The following KIAA0040 variants were observed in gnomAD, a reference collection of about 807,000 sequenced individuals.
KIAA0040 encodes the protein uncharacterized protein KIAA0040.
In KIAA0040, 10 loss-of-function variants were observed where a neutral mutation model predicts 7.2. The ratio of observed to expected loss-of-function variants is 1.38; its 90% CI spans 0.85 to 2.34. The LOEUF (loss-of-function observed/expected upper bound fraction) is 2.34. Among genes scored for constraint, KIAA0040 ranks in the 30% most tolerant of loss-of-function variants. KIAA0040 has a pLI of 0.00. For missense variants in KIAA0040, 89 were observed against 108.2 expected (o/e 0.82, Z 0.79); for synonymous variants, 49 against 40.1 (o/e 1.22, Z -0.84).
Position 175,160,714 on chromosome 1 carries a change from C to A in KIAA0040, c.300G>T (p.Ter100TyrextTer28). 6.5e-7 allele frequency: 1 copy of A among 1,543,912 alleles called. No homozygotes were observed. The change falls in exon 4 of 4, where the codon TAG (stop) becomes TAT (tyrosine). Residue 100 changes from the stop codon to tyrosine (Y), a stop_lost. Coordinates refer to ENST00000423313, the MANE Select transcript of KIAA0040 (RefSeq NM_014656.3). Reference protein sequence around the residue: ...QMEKRPSLPV* With the variant: ...QMEKRPSLPVY Reference sequence around the variant, plus strand: ...GGAAACACCTCTGCTTCCTGCCTAACTAAACAGGCAGTGATGGTCTCTTCT... The same window carrying A: ...GGAAACACCTCTGCTTCCTGCCTAAATAAACAGGCAGTGATGGTCTCTTCT...
chr1:175,179,376 C>T (rs1036988619), intron 1 of KIAA0040, among the ~76,000 whole-genome samples: 21 of 152,226 alleles, frequency 1.4e-4, no homozygotes, highest in South Asian at 4.2e-4. Flanking sequence ...CTCGGGATTA[C>T]GCAGGATTAA....
chr1:175,162,323 C>G (rs1164268070), intron 3 of KIAA0040, among the ~76,000 whole-genome samples: 1 of 152,078 alleles, frequency 6.6e-6, no homozygotes, highest in Non-Finnish European at 1.5e-5. Flanking sequence ...AACTCTCTCA[C>G]TTAAGGATAA....
At chr1:175,189,556 G>A (rs145330095) in intron 1 of KIAA0040, among the ~76,000 whole-genome samples, 1 of 152,280 alleles carries the variant, frequency 6.6e-6, no homozygotes, top group Non-Finnish European at 1.5e-5. Flanking sequence ...GCATGTGATT[G>A]ATATCATGGA....
At chr1:175,174,071 T>C (rs3766694) in intron 2 of KIAA0040, among the ~76,000 whole-genome samples, 79,044 of 150,778 alleles carry the variant, frequency 0.52, 21,136 homozygotes, top group Non-Finnish European at 0.6. Flanking sequence ...CACCCAGTCC[T>C]GTTCACCCAC....
upstream of KIAA0040, chr1:175,192,857 TACCTGCCGCTGCCGCCG>T (rs1228274756): frequency 3.2e-5 from 2 of 62,032 alleles, no homozygotes; most frequent in Non-Finnish European, 7.5e-5. Flanking sequence ...CCCCCGCGCG[TACCTGCCGCTGCCGCCG>T]AGGGCAGCGC....
intron 2 of KIAA0040, among the ~76,000 whole-genome samples, chr1:175,176,638 G>A (rs1183921667): frequency 1.7e-5 from 2 of 119,992 alleles, no homozygotes; most frequent in African/African-American, 6.2e-5. Context: ...TACTTATTGA[G>A]TACACATCCA....
intron 2 of KIAA0040, among the ~76,000 whole-genome samples, 200 bp from the exon 3 acceptor site, chr1:175,166,937 C>G (rs1481881845): frequency 1.3e-5 from 2 of 152,108 alleles, no homozygotes; most frequent in African/African-American, 4.8e-5. Flanking sequence ...TACAGAGAAC[C>G]TACTCCTGCT....
At chr1:175,176,970 C>T (rs1016373109) in intron 2 of KIAA0040, among the ~76,000 whole-genome samples, 1 of 152,134 alleles carries the variant, frequency 6.6e-6, no homozygotes, top group South Asian at 2.1e-4. Context: ...ATTCACCCCC[C>T]TCGACACAGG....
At chr1:175,191,533 C>G (rs2101918132) in intron 1 of KIAA0040, among the ~76,000 whole-genome samples, 1 of 152,336 alleles carries the variant, frequency 6.6e-6, no homozygotes, top group East Asian at 1.9e-4. Flanking sequence ...GCACATCAGA[C>G]TAAGTGGTTG....
At chr1:175,191,988 A>C (rs567926512) in intron 1 of KIAA0040, among the ~76,000 whole-genome samples, 2 of 152,222 alleles carry the variant, frequency 1.3e-5, no homozygotes, top group South Asian at 2.1e-4. Context: ...ACTTAACTCT[A>C]TTATCATATG....
intron 1 of KIAA0040, among the ~76,000 whole-genome samples, chr1:175,180,402 A>G (rs138564525): frequency 8.9e-4 from 135 of 152,334 alleles, no homozygotes; most frequent in African/African-American, 3.1e-3. Flanking sequence ...CATACCTAAT[A>G]AAAGATCATG....
Position 175,157,100 on chromosome 1 carries a change from TAC to T in KIAA0040, c.*3612_*3613del, listed in dbSNP as rs1344385702. The T allele has an allele frequency of 2.0e-5, 3 of 152,116 alleles. No individual in the cohort carries two copies. Among genetic ancestry groups the T allele is most frequent in the East Asian group, 3.9e-4 (2 of 5,188 alleles). 9.4% of individuals were successfully genotyped at this position (152,116 alleles called of 1,614,324 possible). ...GTGTACACACACTTACACACACACA[TAC>T]ACACAGTTTTTGCCCTAGTGGCTAC... On this transcript the variant is annotated 3_prime_UTR_variant, in exon 4 of 4. Transcript: ENST00000423313.
intron 2 of KIAA0040, among the ~76,000 whole-genome samples, chr1:175,171,083 C>T (rs1045935674): frequency 5.3e-5 from 8 of 152,194 alleles, no homozygotes; most frequent in Non-Finnish European, 1.0e-4. Context: ...CAGATCTTGG[C>T]GTGATTGCTT....
At chr1:175,188,554 A>G (rs1006580511) in intron 1 of KIAA0040, among the ~76,000 whole-genome samples, 1 of 152,160 alleles carries the variant, frequency 6.6e-6, no homozygotes, top group Non-Finnish European at 1.5e-5. Flanking sequence ...TCGATATTGG[A>G]TATGTAATTT....
chr1:175,171,023 G>A (rs190556770), intron 2 of KIAA0040, among the ~76,000 whole-genome samples: 31 of 152,278 alleles, frequency 2.0e-4, no homozygotes, highest in African/African-American at 7.0e-4. Flanking sequence ...CTACTGGACC[G>A]TCCACTCGCT....
rs1677673012 is a variant in KIAA0040, at chr1:175,186,717, G to T, written c.-384+5923C>A. On this transcript the variant is annotated intron_variant, in intron 1 of 3. Transcript: ENST00000423313. ...AGAAAAGCACAGTCTTTGGAAATCG[G>T]CAAGGCACCCAGTAAAGTACTGCTT... Among the ~76,000 whole-genome samples, 4 of 152,202 alleles carry T rather than the reference G, an allele frequency of 2.6e-5. 1 individual carries two copies. Among genetic ancestry groups the T allele is most frequent in the Admixed American group, 1.3e-4 (2 of 15,278 alleles).
intron 3 of KIAA0040, among the ~76,000 whole-genome samples, chr1:175,163,709 G>C (rs932951106): frequency 1.3e-5 from 2 of 152,164 alleles, no homozygotes; most frequent in African/African-American, 4.8e-5. Context: ...AAAGGCTTTG[G>C]GTGCTTTTCT....
At position 175,159,381 on chromosome 1, in the gene KIAA0040, T is replaced by C. The variant is rs1435962868; in HGVS notation, c.*1333A>G. 6.6e-6 allele frequency: 1 copy of C among 152,218 alleles called. No individual in the cohort carries two copies. The highest frequency in any genetic ancestry group is 1.5e-5 in the Non-Finnish European group (1 of 68,034). The allele number at this position is 152,218 out of a possible 1,614,324, so 9.4% of individuals were successfully genotyped here. A position where few individuals can be genotyped will look rare whatever the true frequency, so the allele number is the denominator to read the frequency against. On this transcript the variant is annotated 3_prime_UTR_variant, in exon 4 of 4. Transcript: ENST00000423313. Reference sequence around the variant, plus strand: ...CATTGCAGCAATTAGTGGGCTCACTTAGAAGAGAAGATCACTCGGGGAGAA... The same window carrying C: ...CATTGCAGCAATTAGTGGGCTCACTCAGAAGAGAAGATCACTCGGGGAGAA...
chr1:175,182,414 T>C (rs1013706988), intron 1 of KIAA0040, among the ~76,000 whole-genome samples: 1 of 152,050 alleles, frequency 6.6e-6, no homozygotes, highest in Non-Finnish European at 1.5e-5. Context: ...CTGGCTCACG[T>C]TCAAAGGGAT....
Sources: allele counts gnomAD v4.1 joint callset (sites outside exome capture counted in the v4.1 genomes callset), GRCh38; gene constraint gnomAD v4.1.1; transcripts MANE v1.5; gene names NCBI Gene and HGNC (gene_info 2026-07-23, HGNC 2026-07-21).